The following MOXD1 variants were observed in gnomAD, a reference collection of about 807,000 sequenced individuals.
MOXD1 encodes the protein DBH-like monooxygenase protein 1.
MOXD1 carries 62 observed loss-of-function variants against 66.6 expected under a neutral mutation model. That is an observed-to-expected ratio of 0.93 (90% CI 0.76 to 1.15). The LOEUF (loss-of-function observed/expected upper bound fraction) is 1.15, where lower values mean the gene tolerates loss of function less well. MOXD1 is among the 50% of genes most tolerant of loss of function. The probability of loss-of-function intolerance (pLI) is 0.00; values close to 1 mark genes in which losing one functional copy is unlikely to be tolerated. For missense variants in MOXD1, 847 were observed against 754.6 expected (o/e 1.12, Z -1.44); for synonymous variants, 303 against 281.9 (o/e 1.07, Z -0.75).
chr6:132,330,952 A>G (rs1451638702), intron 4 of MOXD1, among the ~76,000 whole-genome samples: 1 of 152,166 alleles, frequency 6.6e-6, no homozygotes, highest in Non-Finnish European at 1.5e-5. Flanking sequence ...CATTTTCAAC[A>G]TCACATTCAT....
chr6:132,333,227 T>TCGGGAGACTGAGG (rs1479733637), intron 4 of MOXD1, among the ~76,000 whole-genome samples: 1 of 149,896 alleles, frequency 6.7e-6, no homozygotes, highest in Non-Finnish European at 1.5e-5. Flanking sequence ...TCCCAGCTAC[T>TCGGGAGACTGAGG]CGGGAGACTG....
chr6:132,307,234 A>G (rs1333464530), intron 10 of MOXD1, among the ~76,000 whole-genome samples: 1 of 152,240 alleles, frequency 6.6e-6, no homozygotes, highest in African/African-American at 2.4e-5. Context: ...CTCTGACAAA[A>G]TAGACTTTAG....
At chr6:132,401,138 G>A (rs1777015974) in intron 1 of MOXD1, 25 bp downstream of exon 1, 1 of 1,474,486 alleles carries the variant, frequency 6.8e-7, no homozygotes, top group Admixed American at 2.2e-5. Context: ...TCGGCCGGGC[G>A]GGCTCCGGGA....
rs985070534 is a variant in MOXD1 at position 132,296,774 on chromosome 6, A to G, written c.*379T>C. 1 of 156,708 alleles carries G rather than the reference A, an allele frequency of 6.4e-6. No homozygotes were observed. Among genetic ancestry groups the G allele is most frequent in the African/African-American group, 2.4e-5 (1 of 41,538 alleles). The allele number at this position is 156,708 out of a possible 1,614,324, so 9.7% of individuals were successfully genotyped here. ...AGTCCCTTTTATATTTTTTAAAAGG[A>G]AGGAATTTTTTAAAGAAATATAAAA... On this transcript the variant is annotated 3_prime_UTR_variant, in exon 12 of 12. Transcript: ENST00000367963.
intron 1 of MOXD1, among the ~76,000 whole-genome samples, chr6:132,384,303 C>CCTTCCTT (rs1554237803): frequency 5.3e-5 from 6 of 113,130 alleles, no homozygotes; most frequent in South Asian, 3.7e-4. Context: ...CTTCCTTCCT[C>CCTTCCTT]CCTCCCTCCC....
At chr6:132,318,968 T>C (rs1775015759) in intron 9 of MOXD1, among the ~76,000 whole-genome samples, 1 of 152,052 alleles carries the variant, frequency 6.6e-6, no homozygotes. Flanking sequence ...CAAGTTTCCA[T>C]CTGTAGAATT....
chr6:132,331,773 T>C (rs1033948177), intron 4 of MOXD1, among the ~76,000 whole-genome samples: 1 of 152,194 alleles, frequency 6.6e-6, no homozygotes. Flanking sequence ...ACCAGGCTAG[T>C]GTGACCCCAA....
chr6:132,379,207 C>T (rs1350935537), intron 1 of MOXD1, among the ~76,000 whole-genome samples: 1 of 151,712 alleles, frequency 6.6e-6, no homozygotes. Context: ...GTTGTCTTAA[C>T]ATTAGAAAAT....
intron 4 of MOXD1, among the ~76,000 whole-genome samples, chr6:132,330,115 C>A (rs1184356001): frequency 1.3e-5 from 2 of 152,126 alleles, no homozygotes; most frequent in Non-Finnish European, 2.9e-5. Context: ...CCAAATGGAG[C>A]CTTGTACTTG....
At chr6:132,371,209 T>G (rs980693501) in intron 4 of MOXD1, among the ~76,000 whole-genome samples, 3 of 152,150 alleles carry the variant, frequency 2.0e-5, no homozygotes, top group African/African-American at 7.2e-5. Flanking sequence ...ACATTCTCTT[T>G]CCTGAGGAAT....
At chr6:132,313,198 A>T (rs1166226171) in intron 10 of MOXD1, among the ~76,000 whole-genome samples, 2 of 152,122 alleles carry the variant, frequency 1.3e-5, no homozygotes, top group East Asian at 3.9e-4. Flanking sequence ...CCCTTTTATT[A>T]TGTACTATAT....
intron 4 of MOXD1, among the ~76,000 whole-genome samples, chr6:132,344,494 C>T (rs909701920): frequency 6.6e-6 from 1 of 152,138 alleles, no homozygotes; most frequent in Non-Finnish European, 1.5e-5. Flanking sequence ...TGAAACCTGA[C>T]CTTCAAACTA....
At chr6:132,392,279 T>C in intron 1 of MOXD1, 1 of 1,602,624 alleles carries the variant, frequency 6.2e-7, no homozygotes, top group Non-Finnish European at 8.5e-7. Flanking sequence ...AGGCCTCAGT[T>C]TTTGAGACAA....
intron 6 of MOXD1, among the ~76,000 whole-genome samples, chr6:132,326,966 G>A (rs149889948): frequency 6.6e-6 from 1 of 152,284 alleles, no homozygotes; most frequent in African/African-American, 2.4e-5. Context: ...TGACTCCACT[G>A]TATCAAACTC....
intron 1 of MOXD1, chr6:132,390,993 G>C (rs962759564): frequency 2.0e-5 from 3 of 151,384 alleles, no homozygotes; most frequent in East Asian, 3.9e-4. Context: ...TTTTATGTAA[G>C]CTACAGTTTG....
In MOXD1 at chr6:132,365,470, G is replaced by A. The variant is rs182837674; in HGVS notation, c.663+7138C>T. Among the ~76,000 whole-genome samples, 479 of 152,206 alleles carry A rather than the reference G, an allele frequency of 3.1e-3. 4 individuals are homozygous for A. Among genetic ancestry groups the A allele is most frequent in the Middle Eastern group, 0.024 (7 of 294 alleles). On this transcript the variant is annotated intron_variant, in intron 4 of 11. Transcript: ENST00000367963. ...AGCACAGACTTTTCTTTTTGTTTTC[G>A]TCAAATCACAGATATTTAGAAGTAG...
intron 1 of MOXD1, chr6:132,375,076 G>C (rs1292230346): frequency 3.9e-6 from 2 of 513,486 alleles, no homozygotes; most frequent in Non-Finnish European, 6.9e-6. Context: ...AATTAAAAGA[G>C]GGACTATAGC....
intron 10 of MOXD1, among the ~76,000 whole-genome samples, chr6:132,308,354 G>A (rs563792537): frequency 5.3e-5 from 8 of 152,110 alleles, no homozygotes; most frequent in Non-Finnish European, 1.2e-4. Context: ...CCAATAACAA[G>A]TTCTGAAGTT....
At chr6:132,384,177 CCCTTCCTCTCTT>C (rs1333428362) in intron 1 of MOXD1, among the ~76,000 whole-genome samples, 1 of 151,644 alleles carries the variant, frequency 6.6e-6, no homozygotes, top group Non-Finnish European at 1.5e-5. Flanking sequence ...CTTCCTCTCT[CCCTTCCTCTCTT>C]CCTTCCTCCC....
Sources: allele counts gnomAD v4.1 joint callset (sites outside exome capture counted in the v4.1 genomes callset), GRCh38; gene constraint gnomAD v4.1.1; transcripts MANE v1.5; gene names NCBI Gene and HGNC (gene_info 2026-07-23, HGNC 2026-07-21).